Variants in ZAN observed in about 807,000 individuals in gnomAD.
ZAN encodes zonadhesin (gene/pseudogene).
A neutral mutation model predicts 286.2 loss-of-function variants in ZAN; 260 were observed. That is an observed-to-expected ratio of 0.91 (90% confidence interval 0.82 to 1.01). The LOEUF is 1.01. ZAN is among the 50% of genes least tolerant of loss of function. ZAN has a pLI of 0.00. For synonymous variants in ZAN, 1,368 were observed against 1,417.5 expected, an observed-to-expected ratio of 0.97 and a Z score of 0.79; for missense variants, 3,410 against 3,639.2, an observed-to-expected ratio of 0.94 and a Z score of 1.62.
At chr7:100,768,505 C>T (rs1810159142) in intron 26 of ZAN, 105 bp from the exon 27 acceptor site, 9 of 935,494 alleles carry the variant, frequency 9.6e-6, no homozygotes, top group Non-Finnish European at 1.1e-5. Flanking sequence ...AAGGGTTAAC[C>T]TTGCTATGTA....
chr7:100,762,406 T>A (rs755546672), intron 20 of ZAN, 48 bp downstream of exon 20: 181 of 1,438,930 alleles, frequency 1.3e-4, no homozygotes, highest in Non-Finnish European at 1.5e-4. Context: ...TTCCGTCCCC[T>A]TCCTGGAACT....
At chr7:100,745,447 C>T (rs1301910609) in intron 7 of ZAN, among the ~76,000 whole-genome samples, 3 of 151,732 alleles carry the variant, frequency 2.0e-5, no homozygotes, top group African/African-American at 7.3e-5. Context: ...GTTGCGTCAC[C>T]TAGCGAGGTC....
At chr7:100,749,649 AAAATAT>A (rs1381364399) in intron 11 of ZAN, among the ~76,000 whole-genome samples, 2 of 125,472 alleles carry the variant, frequency 1.6e-5, no homozygotes, top group East Asian at 2.2e-4. Flanking sequence ...CAAAAAAAAA[AAAATAT>A]ATATATATAT....
At chr7:100,779,804 T>A in intron 35 of ZAN, 54 bp downstream of exon 35, 1 of 1,482,734 alleles carries the variant, frequency 6.7e-7, no homozygotes, top group South Asian at 1.3e-5. Context: ...TTTCCCTCTC[T>A]GCTTCCCTGA....
In ZAN at chr7:100,771,999, T is replaced by C; in HGVS notation, c.5404T>C (p.Trp1802Arg). 1 of 1,604,494 alleles carries C rather than the reference T, an allele frequency of 6.2e-7. No homozygotes were observed. Among genetic ancestry groups the C allele is most frequent in the Non-Finnish European group, 8.5e-7 (1 of 1,178,022 alleles). The change falls in exon 29 of 48, where the codon TGG becomes CGG. Residue 1802 changes from tryptophan to arginine, a missense_variant. Physicochemically the swap from Trp to Arg is moderately radical, Grantham distance 101. This residue lies in a region of ZAN where 1,289 missense variants were observed against 1,314.3 expected (regional missense o/e 0.98). Coordinates refer to ENST00000613979, the MANE Select transcript of ZAN (RefSeq NM_003386.3). ...LCAQAGQAPA[W>R]RNRTFCPMRC... is the part of the protein sequence containing the mutation. ...TGCCCAGGCTGGCCAGGCCCCTGCC[T>C]GGCGGAACAGAACCTTCTGCCGTGA...
At chr7:100,789,683 G>T (rs948673644) in intron 39 of ZAN, among the ~76,000 whole-genome samples, 2 of 152,046 alleles carry the variant, frequency 1.3e-5, no homozygotes, top group Admixed American at 1.3e-4. Context: ...AGTGGCTCAC[G>T]CCTGTAATCC....
chr7:100,752,283 C>CT lies in ZAN; in HGVS notation c.2178_2179insT (p.Pro727SerfsTer80), dbSNP rs1808757878. 2 of 1,539,788 alleles carry CT rather than the reference C, an allele frequency of 1.3e-6. No individual in the cohort carries two copies. Among genetic ancestry groups the CT allele is most frequent in the African/African-American group, 1.4e-5 (1 of 69,396 alleles). On this transcript the variant is annotated frameshift_variant, in exon 14 of 48. Transcript: ENST00000613979. LOFTEE classifies it high-confidence loss of function. Reference sequence around the variant, plus strand: ...CCATCCCCACAGAAAAACCCACCATCCCCACAGAAAAATCCACCATCTCCC... The same window carrying CT: ...CCATCCCCACAGAAAAACCCACCATCTCCCACAGAAAAATCCACCATCTCCC...
Position 100,767,039 on chromosome 7 carries a change from C to T in ZAN, c.4642C>T (p.Pro1548Ser). The T allele has an allele frequency of 6.2e-7, 1 of 1,613,874 alleles. No individual in the cohort carries two copies. The highest frequency in any genetic ancestry group is 8.5e-7 in the Non-Finnish European group (1 of 1,179,862). The change falls in exon 25 of 48, where the codon CCC (proline) becomes TCC (serine). Residue 1548 changes from proline (P) to serine (S), a missense_variant. Pro to Ser is a moderately conservative substitution (Grantham distance 74). Transcript: ENST00000613979. ...GAATCTASGD[P>S]HYLTFDGALH... ...CGCCACCTGCACAGCCTCGGGTGAC[C>T]CCCACTACCTGACCTTCGATGGCGC...
intron 2 of ZAN, 136 bp from the exon 3 acceptor site, chr7:100,735,584 A>G: frequency 1.5e-6 from 1 of 666,288 alleles, no homozygotes; most frequent in Non-Finnish European, 2.4e-6. Context: ...AAAGAAAAAA[A>G]GTCAAGTCAG....
At chr7:100,793,674 G>T (rs1309808957) in intron 42 of ZAN, 146 bp from the exon 43 acceptor site, 8 of 784,496 alleles carry the variant, frequency 1.0e-5, no homozygotes, top group Non-Finnish European at 1.6e-5. Flanking sequence ...CTGACTTCAG[G>T]TGATCCACCT....
chr7:100,736,445 G>T, intron 3 of ZAN, 38 bp from the exon 4 acceptor site: 1 of 1,518,372 alleles, frequency 6.6e-7, no homozygotes, highest in African/African-American at 1.4e-5. Flanking sequence ...CCCTGCCCCT[G>T]CCCTCTCTGA....
rs1225296353 is a variant in ZAN, at chr7:100,734,666, C to T, written c.53+445C>T. Among the ~76,000 whole-genome samples, 11 of 139,488 alleles carry T rather than the reference C, an allele frequency of 7.9e-5. 1 individual carries two copies. In the South Asian group the frequency reaches 8.8e-4, roughly 11 times the overall value. The allele number at this position is 139,488 out of a possible 152,430, so 91.5% of individuals were successfully genotyped here. On this transcript the variant is annotated intron_variant, in intron 2 of 47. Coordinates refer to ENST00000613979, the MANE Select transcript of ZAN (RefSeq NM_003386.3). ...AGACCTTGAGAGGAAGGGGGAAACC[C>T]GGTGGGATGGAAATGGGTTGACCTT...
chr7:100,746,805 G>A (rs80134072), intron 8 of ZAN, 103 bp downstream of exon 8: 26,141 of 1,358,040 alleles, frequency 0.019, 324 homozygotes, highest in Middle Eastern at 0.043. Flanking sequence ...AGGGAGGTCT[G>A]GAATATGTGC....
At chr7:100,773,658 G>C in intron 30 of ZAN, 63 bp from the exon 31 acceptor site, 2 of 1,569,190 alleles carry the variant, frequency 1.3e-6, no homozygotes, top group Non-Finnish European at 1.7e-6. Context: ...GCTTCAACTG[G>C]GGCGTTGGCC....
Position 100,738,865 on chromosome 7 carries a change from TCTTCTTCTTCTC to T in ZAN, c.766+254_766+265del, listed in dbSNP as rs1286867858. ...CTCTTCTTCTTCTTCTTTCTCTTCC[TCTTCTTCTTCTC>T]CCTCTCCCTCTCCCTCTCCCTCTCC... On this transcript the variant is annotated intron_variant, in intron 7 of 47. Transcript: ENST00000613979. Among the ~76,000 whole-genome samples, 84 of 22,422 alleles carry T rather than the reference TCTTCTTCTTCTC, an allele frequency of 3.7e-3. 4 individuals carry two copies. Among genetic ancestry groups the T allele is most frequent in the South Asian group, 8.3e-3 (2 of 240 alleles). The allele number at this position is 22,422 out of a possible 152,430, so 14.7% of individuals were successfully genotyped here.
chr7:100,773,259 C>G, intron 29 of ZAN, 26 bp from the exon 30 acceptor site: 2 of 1,608,624 alleles, frequency 1.2e-6, no homozygotes, highest in Non-Finnish European at 1.7e-6. Context: ...CCACCCCACT[C>G]TTCCTAATGC....
intron 45 of ZAN, among the ~76,000 whole-genome samples, chr7:100,795,713 T>C (rs774211912): frequency 2.0e-5 from 3 of 151,766 alleles, no homozygotes; most frequent in Non-Finnish European, 4.4e-5. Context: ...GAGACCATTC[T>C]GGCTAACGAA....
chr7:100,792,351 G>T (rs1812032845), intron 41 of ZAN, 54 bp from the exon 42 acceptor site: 1 of 1,547,554 alleles, frequency 6.5e-7, no homozygotes, highest in South Asian at 1.2e-5. Flanking sequence ...GCAGGGGTGG[G>T]TCTCCTCCCC....
chr7:100,736,788 C>A, intron 4 of ZAN, 21 bp from the exon 5 acceptor site: 1 of 1,464,328 alleles, frequency 6.8e-7, no homozygotes. Context: ...GCCTCAGTGT[C>A]TTGGGCTCTG....
Sources: gnomAD v4.1 joint callset for allele counts (sites outside exome capture counted in the v4.1 genomes callset) on GRCh38, gnomAD v4.1.1 for gene constraint, gnomAD v4.1.1 regional missense constraint, MANE v1.5 for transcripts, NCBI Gene and HGNC (gene_info 2026-07-23, HGNC 2026-07-21) for gene names.